Variants in LRP12 observed in about 807,000 individuals in gnomAD.
LRP12 encodes low-density lipoprotein receptor-related protein 12.
Under a neutral mutation model 66.0 loss-of-function variants are expected in LRP12, and 14 were observed. The observed-to-expected ratio is 0.21, with a 90% CI of 0.14 to 0.33. LRP12 has a LOEUF of 0.33. LRP12 is among the 10% of genes least tolerant of loss of function. LRP12 has a pLI of 1.00. For missense variants in LRP12, 889 were observed against 1,053.4 expected (o/e 0.84, Z 2.16); for synonymous variants, 357 against 359.1 (o/e 0.99, Z 0.07).
intron 1 of LRP12, among the ~76,000 whole-genome samples, chr8:104,571,660 T>A (rs1052403288): frequency 6.6e-6 from 1 of 152,216 alleles, no homozygotes. Context: ...CTTTCCTTTA[T>A]AAATGACCTG....
At chr8:104,508,235 T>C (rs1810937777) in intron 3 of LRP12, 1 of 152,180 alleles carries the variant, frequency 6.6e-6, no homozygotes, top group African/African-American at 2.4e-5. Flanking sequence ...GCAAGCAGTA[T>C]CTAGTTCTAC....
At chr8:104,494,870 TTGCACAACCAAA>T in intron 6 of LRP12, among the ~76,000 whole-genome samples, 195 bp downstream of exon 6, 1 of 152,312 alleles carries the variant, frequency 6.6e-6, no homozygotes, top group African/African-American at 2.4e-5. Context: ...TGCTTAAGAA[TTGCACAACCAAA>T]TCAGAGGAAT....
chr8:104,490,776 C>T lies in LRP12; in HGVS notation c.2477G>A (p.Cys826Tyr), dbSNP rs1810607154. ...AGTGTGGACAATACCACAGCGCTCA[C>T]AGGGGCCATCTCGATTACTTGGCCT... Reference protein sequence around the residue: ...GVRPSNRDGPCERCGIVHTAQ... With the variant: ...GVRPSNRDGPYERCGIVHTAQ... Residue 826 changes from cysteine (C) to tyrosine (Y), a missense_variant, in exon 7 of 7, where the codon TGT becomes TAT. Coordinates refer to ENST00000276654, the MANE Select transcript of LRP12 (RefSeq NM_013437.5). 1 of 1,614,004 alleles carries T rather than the reference C, an allele frequency of 6.2e-7. No individual in the cohort carries two copies. The highest frequency in any genetic ancestry group is 8.5e-7 in the Non-Finnish European group (1 of 1,180,022).
chr8:104,526,889 A>C (rs1237797272), intron 2 of LRP12, among the ~76,000 whole-genome samples: 1 of 144,100 alleles, frequency 6.9e-6, no homozygotes, highest in East Asian at 1.9e-4. Context: ...ATCAGAGTGA[A>C]CAGGCAACCT....
intron 2 of LRP12, among the ~76,000 whole-genome samples, chr8:104,528,976 G>T (rs964626058): frequency 5.3e-5 from 8 of 152,004 alleles, no homozygotes; most frequent in Admixed American, 1.3e-4. Context: ...TTCTGAAATG[G>T]AGTATTTTAT....
rs1452009383 is a variant in LRP12 at position 104,589,038 on chromosome 8, A to AG, written c.-142dup. 1 of 452,252 alleles carries AG rather than the reference A, an allele frequency of 2.2e-6. No individual in the cohort carries two copies. The highest frequency in any genetic ancestry group is 3.6e-6 in the Non-Finnish European group (1 of 280,308). 28.0% of individuals were successfully genotyped at this position (452,252 alleles called of 1,614,324 possible). On this transcript the variant is annotated 5_prime_UTR_variant, in exon 1 of 7. Transcript: ENST00000276654. ...TCCCTGCGCTCTCCGCGGCTGCGGGAGGGGGAAGGGAGGGGCCGCCGCCGC... is the reference window on the plus strand; with the variant it reads ...TCCCTGCGCTCTCCGCGGCTGCGGGAGGGGGGAAGGGAGGGGCCGCCGCCGC...
intron 1 of LRP12, among the ~76,000 whole-genome samples, chr8:104,573,036 A>T (rs1324154520): frequency 6.6e-6 from 1 of 152,190 alleles, no homozygotes; most frequent in East Asian, 1.9e-4. Flanking sequence ...TGAATCGTAT[A>T]CAAATGTAAT....
intron 5 of LRP12, 55 bp from the exon 6 acceptor site, chr8:104,495,264 C>T: frequency 6.5e-7 from 1 of 1,537,490 alleles, no homozygotes; most frequent in East Asian, 2.3e-5. Flanking sequence ...AGAAAAAGAA[C>T]AATTTTCTAT....
At position 104,547,785 on chromosome 8, in the gene LRP12, A is replaced by G. The variant is rs1255127733; in HGVS notation, c.80-15822T>C. On this transcript the variant is annotated intron_variant, in intron 1 of 6. Coordinates refer to ENST00000276654, the MANE Select transcript of LRP12 (RefSeq NM_013437.5). ...TAATTCTATATTATATTTTGTATAT[A>G]ATATATAATTATATATTATATATAA... Among the ~76,000 whole-genome samples the G allele has an allele frequency of 3.9e-5, 5 of 129,206 alleles. No individual in the cohort carries two copies. The East Asian group carries it at 1.1e-3, about 29-fold the overall frequency. 84.8% of individuals were successfully genotyped at this position (129,206 alleles called of 152,430 possible). A position where few individuals can be genotyped will look rare whatever the true frequency, so the allele number is the denominator to read the frequency against.
chr8:104,503,324 C>G (rs1478110074), intron 3 of LRP12, among the ~76,000 whole-genome samples: 1 of 78,280 alleles, frequency 1.3e-5, no homozygotes, highest in Admixed American at 2.1e-4. Context: ...GAGACTGTGT[C>G]TCTCAAAAAA....
intron 3 of LRP12, among the ~76,000 whole-genome samples, chr8:104,502,239 G>A (rs2140837078): frequency 6.6e-6 from 1 of 152,226 alleles, no homozygotes; most frequent in South Asian, 2.1e-4. Flanking sequence ...AAAATCTCAA[G>A]GCATTTATTT....
intron 1 of LRP12, among the ~76,000 whole-genome samples, chr8:104,585,968 T>C (rs1812324184): frequency 6.6e-6 from 1 of 152,222 alleles, no homozygotes; most frequent in African/African-American, 2.4e-5. Context: ...AAAGCACTTT[T>C]TCCTCTTACA....
intron 1 of LRP12, among the ~76,000 whole-genome samples, chr8:104,580,051 A>G (rs1812221310): frequency 6.6e-6 from 1 of 152,210 alleles, no homozygotes; most frequent in Non-Finnish European, 1.5e-5. Context: ...GCCAAAAGCA[A>G]TTGCAACAAA....
intron 1 of LRP12, among the ~76,000 whole-genome samples, chr8:104,560,718 A>T (rs767672829): frequency 7.2e-5 from 11 of 152,160 alleles, no homozygotes; most frequent in African/African-American, 2.4e-4. Context: ...ATTCATAATA[A>T]ATCTTGATGA....
At chr8:104,570,573 T>C (rs1338107209) in intron 1 of LRP12, among the ~76,000 whole-genome samples, 1 of 152,214 alleles carries the variant, frequency 6.6e-6, no homozygotes, top group East Asian at 1.9e-4. Context: ...TGGTTATCCA[T>C]ATGCAAAAAC....
chr8:104,498,435 T>C (rs529495693), intron 4 of LRP12, among the ~76,000 whole-genome samples: 1 of 142,524 alleles, frequency 7.0e-6, no homozygotes, highest in Admixed American at 7.1e-5. Flanking sequence ...TGTGTTCTCA[T>C]TGTTCAGGTC....
Position 104,498,015 on chromosome 8 carries a change from T to C in LRP12, c.537A>G (p.Ile179Met), listed in dbSNP as rs1018732215. The C allele has an allele frequency of 1.2e-6, 2 of 1,613,840 alleles. No individual in the cohort carries two copies. Among genetic ancestry groups the C allele is most frequent in the Admixed American group, 3.3e-5 (2 of 60,004 alleles). The part of the protein sequence containing the change: ...DQFRCGNGKC[I>M]PEAWKCNNMD... ...TGTTATTACATTTCCAGGCTTCTGG[T>C]ATACACTTTCCATTACCACAACGAA... The change falls in exon 5 of 7, where the codon ATA becomes ATG. Residue 179 changes from isoleucine (I) to methionine (M), a missense_variant. This residue lies in a region of LRP12 where 800 missense variants were observed against 964.5 expected (regional missense o/e 0.83). Transcript: ENST00000276654.
intron 2 of LRP12, among the ~76,000 whole-genome samples, chr8:104,510,518 T>C (rs1230664755): frequency 6.6e-6 from 1 of 152,218 alleles, no homozygotes; most frequent in African/African-American, 2.4e-5. Context: ...ATAGTTAACA[T>C]TATCCAGAAT....
At chr8:104,515,773 G>A (rs1811064686) in intron 2 of LRP12, among the ~76,000 whole-genome samples, 2 of 152,126 alleles carry the variant, frequency 1.3e-5, no homozygotes, top group South Asian at 4.1e-4. Context: ...TATTTGGATT[G>A]ATATTTTATT....
Sources: allele counts gnomAD v4.1 joint callset (sites outside exome capture counted in the v4.1 genomes callset), GRCh38; gene constraint gnomAD v4.1.1; regional missense constraint gnomAD v4.1.1; transcripts MANE v1.5; gene names NCBI Gene and HGNC (gene_info 2026-07-23, HGNC 2026-07-21).